Variants in ASAP3 observed in about 807,000 individuals in gnomAD.
The protein encoded by ASAP3 is ArfGAP with SH3 domain, ankyrin repeat and PH domain 3, also known as arf-GAP with SH3 domain, ANK repeat and PH domain-containing protein 3.
In ASAP3, 85 loss-of-function variants were observed where a neutral mutation model predicts 118.2. The ratio of observed to expected loss-of-function variants is 0.72; its 90% confidence interval spans 0.60 to 0.86. The LOEUF (loss-of-function observed/expected upper bound fraction) is 0.86. ASAP3 is among the 40% of genes least tolerant of loss of function. The pLI is 0.00. For synonymous variants in ASAP3, 432 were observed against 477.4 expected (o/e 0.90, Z 1.24); for missense variants, 1,026 against 1,175.0 (o/e 0.87, Z 1.85).
At chr1:23,442,335 T>G in intron 6 of ASAP3, 64 bp from the exon 7 acceptor site, 1 of 1,566,174 alleles carries the variant, frequency 6.4e-7, no homozygotes, top group Non-Finnish European at 8.7e-7. Flanking sequence ...AACGAGGGGC[T>G]GCAGTCCCCA....
chr1:23,484,284 C>T (rs1415086699), upstream of ASAP3: 1 of 751,038 alleles, frequency 1.3e-6, no homozygotes, highest in African/African-American at 1.9e-5. Flanking sequence ...TCCAGCCGCT[C>T]TCCGCTCCTC....
intron 1 of ASAP3, 49 bp from the exon 2 acceptor site, chr1:23,456,243 G>A (rs1292308198): frequency 6.4e-7 from 1 of 1,574,522 alleles, no homozygotes; most frequent in Non-Finnish European, 8.7e-7. Context: ...CTGGAATAGG[G>A]TGCTTCCTTC....
rs1174125425 is a variant in ASAP3 at position 23,431,805 on chromosome 1, G to A, written c.2437C>T (p.Gln813Ter). The change falls in exon 23 of 25, where the codon CAA (glutamine) becomes TAA (stop). Residue 813 changes from glutamine (Q) to a stop codon, truncating the protein, a stop_gained. Transcript: ENST00000336689. LOFTEE classifies it high-confidence loss of function. ...MSPLEPGDPS[Q>*]APPNSEEGLR... ...CCCTCTTCAGAGTTGGGTGGGGCTT[G>A]GCTGGGATCCCCAGGTTCCAAGGGG... The A allele has an allele frequency of 3.9e-6, 6 of 1,557,140 alleles. No homozygotes were observed. Among genetic ancestry groups the A allele is most frequent in the Non-Finnish European group, 1.7e-6 (2 of 1,158,642 alleles).
intron 1 of ASAP3, among the ~76,000 whole-genome samples, chr1:23,474,468 A>G (rs1444539196): frequency 6.6e-6 from 1 of 152,016 alleles, no homozygotes; most frequent in Admixed American, 6.6e-5. Context: ...GGTCTCCTTT[A>G]TTAATTCCTC....
In ASAP3 at chr1:23,433,165, C is replaced by T. The variant is rs1334144738; in HGVS notation, c.2235G>A (p.Gln745=). Residue 745 remains glutamine (Q), a synonymous_variant, in exon 22 of 25, where the codon CAG becomes CAA. Transcript: ENST00000336689. ...GCGGGGGACAGTCCTCACTCTCGCC[C>T]TGAGGGGTGGCTGCTCCCAGGCTGG... ...TVASLGAATP[Q]GESEDCPPPL... is the part of the protein sequence containing the mutation. The T allele has an allele frequency of 6.2e-7, 1 of 1,614,158 alleles. No individual in the cohort carries two copies. The highest frequency in any genetic ancestry group is 1.7e-5 in the Admixed American group (1 of 60,016).
At chr1:23,452,424 T>G (rs1475233463) in intron 4 of ASAP3, among the ~76,000 whole-genome samples, 3 of 152,152 alleles carry the variant, frequency 2.0e-5, no homozygotes, top group African/African-American at 7.2e-5. Context: ...GAATTTCAAC[T>G]GCAAAATGGG....
chr1:23,431,591 T>C, intron 23 of ASAP3, 105 bp downstream of exon 23: 1 of 1,106,118 alleles, frequency 9.0e-7, no homozygotes, highest in Admixed American at 2.7e-5. Flanking sequence ...AGAGATGGCG[T>C]GTGACCCAGT....
At chr1:23,476,587 T>G in intron 1 of ASAP3, among the ~76,000 whole-genome samples, 1 of 152,200 alleles carries the variant, frequency 6.6e-6, no homozygotes, top group East Asian at 1.9e-4. Flanking sequence ...GCAACTGATA[T>G]GATCTTTCTA....
At chr1:23,482,879 G>C (rs1642354478) in intron 1 of ASAP3, among the ~76,000 whole-genome samples, 1 of 151,934 alleles carries the variant, frequency 6.6e-6, no homozygotes, top group African/African-American at 2.4e-5. Context: ...GTGAACCTGG[G>C]AGGCGGAGTT....
chr1:23,482,814 T>C (rs1426349819), intron 1 of ASAP3, among the ~76,000 whole-genome samples: 3 of 151,586 alleles, frequency 2.0e-5, no homozygotes, highest in Non-Finnish European at 4.4e-5. Context: ...TAGCCAGGCG[T>C]AGTGGCGGGA....
chr1:23,443,304 C>T (rs1170147411), intron 5 of ASAP3, among the ~76,000 whole-genome samples: 1 of 152,118 alleles, frequency 6.6e-6, no homozygotes, highest in East Asian at 1.9e-4. Flanking sequence ...TACCCATCAC[C>T]CGAATAGTGT....
At chr1:23,465,217 A>G (rs956935971) in intron 1 of ASAP3, among the ~76,000 whole-genome samples, 7 of 152,244 alleles carry the variant, frequency 4.6e-5, no homozygotes, top group African/African-American at 1.4e-4. Context: ...TTAATTAAAC[A>G]TATCTCCCCA....
intron 1 of ASAP3, 21 bp from the exon 2 acceptor site, chr1:23,456,215 A>G (rs1223506768): frequency 6.2e-7 from 1 of 1,611,984 alleles, no homozygotes; most frequent in African/African-American, 1.3e-5. Flanking sequence ...ATGTGGACAG[A>G]GGTTCAGGGA....
At chr1:23,461,498 C>T (rs572150633) in intron 1 of ASAP3, among the ~76,000 whole-genome samples, 1 of 152,096 alleles carries the variant, frequency 6.6e-6, no homozygotes, top group Middle Eastern at 3.4e-3. Context: ...GAGAGTCTGT[C>T]TCTACAAAAA....
At chr1:23,451,905 G>A (rs188212982) in intron 4 of ASAP3, among the ~76,000 whole-genome samples, 1 of 152,174 alleles carries the variant, frequency 6.6e-6, no homozygotes, top group Non-Finnish European at 1.5e-5. Flanking sequence ...AATTCCCCCT[G>A]CCTAACTTTA....
In ASAP3 at chr1:23,465,562, C is replaced by A. The variant is rs1356406729; in HGVS notation, c.130-9368G>T. Among the ~76,000 whole-genome samples the A allele has an allele frequency of 2.0e-5, 3 of 151,708 alleles. No homozygotes were observed. In the East Asian group the frequency reaches 5.8e-4, roughly 29 times the overall value. ...TCTCGCCCAGGCTAGAGTGCAGACA[C>A]ACAATCTCAGCTCACTGCCACCTCT... On this transcript the variant is annotated intron_variant, in intron 1 of 24. Coordinates refer to ENST00000336689, the MANE Select transcript of ASAP3 (RefSeq NM_017707.4).
At position 23,457,030 on chromosome 1, in the gene ASAP3, G is replaced by A. The variant is rs1205155063; in HGVS notation, c.130-836C>T. On this transcript the variant is annotated intron_variant, in intron 1 of 24. Transcript: ENST00000336689. Reference sequence around the variant, plus strand: ...TAGATGGGAAACACTCCCCCTTTCAGTGGGGCATGGAAGTTGACAACCTCA... The same window carrying A: ...TAGATGGGAAACACTCCCCCTTTCAATGGGGCATGGAAGTTGACAACCTCA... 2.0e-5 allele frequency among the ~76,000 whole-genome samples: 3 copies of A among 152,242 alleles called. No individual in the cohort carries two copies. In the South Asian group the frequency reaches 6.2e-4, roughly 31 times the overall value.
In ASAP3 at chr1:23,429,603, C is replaced by T; in HGVS notation, c.*253G>A. 3 of 385,680 alleles carry T rather than the reference C, an allele frequency of 7.8e-6. No individual in the cohort carries two copies. Among genetic ancestry groups the T allele is most frequent in the Non-Finnish European group, 1.4e-5 (3 of 210,374 alleles). 23.9% of individuals were successfully genotyped at this position (385,680 alleles called of 1,614,324 possible). A position where few individuals can be genotyped will look rare whatever the true frequency, so the allele number is the denominator to read the frequency against. ...GAAGCCAGCTCAGGAGCACTCAGATCCAGCCACAGGGCTCCCAGGCCCCTA... is the reference window on the plus strand; with the variant it reads ...GAAGCCAGCTCAGGAGCACTCAGATTCAGCCACAGGGCTCCCAGGCCCCTA... On this transcript the variant is annotated 3_prime_UTR_variant, in exon 25 of 25. Transcript: ENST00000336689.
intron 1 of ASAP3, among the ~76,000 whole-genome samples, chr1:23,475,331 C>T (rs1642094408): frequency 6.6e-6 from 1 of 152,166 alleles, no homozygotes; most frequent in South Asian, 2.1e-4. Context: ...GGCTCGGTGG[C>T]ATGATTTTGG....
Sources: allele counts gnomAD v4.1 joint callset (sites outside exome capture counted in the v4.1 genomes callset), GRCh38; gene constraint gnomAD v4.1.1; transcripts MANE v1.5; gene names NCBI Gene and HGNC (gene_info 2026-07-23, HGNC 2026-07-21).